The following SH3GL2 variants were observed in gnomAD, a reference collection of about 807,000 sequenced individuals.
SH3GL2 encodes SH3 domain containing GRB2 like 2, endophilin A1.
SH3GL2 carries 24 observed loss-of-function variants against 46.0 expected under a neutral mutation model. That is an observed-to-expected ratio of 0.52 (90% CI 0.38 to 0.73). The LOEUF (loss-of-function observed/expected upper bound fraction) is 0.73. Among genes scored for constraint, SH3GL2 ranks in the 30% least tolerant of loss-of-function variants. The pLI, the probability that SH3GL2 is intolerant of heterozygous loss-of-function variation, is 0.00. For synonymous variants in SH3GL2, 196 were observed against 147.1 expected, an observed-to-expected ratio of 1.33 and a Z score of -2.40; for missense variants, 413 against 424.2, an observed-to-expected ratio of 0.97 and a Z score of 0.23.
chr9:17,582,126 C>G (rs1036402970), intron 1 of SH3GL2, among the ~76,000 whole-genome samples: 17 of 152,160 alleles, frequency 1.1e-4, no homozygotes, highest in African/African-American at 4.1e-4. Context: ...TGTGTCACAA[C>G]TGTTGTCTTA....
chr9:17,593,093 A>G (rs1278906401), intron 1 of SH3GL2, among the ~76,000 whole-genome samples: 3 of 152,180 alleles, frequency 2.0e-5, no homozygotes, highest in Admixed American at 2.0e-4. Flanking sequence ...TGCTTCTCCC[A>G]TACCTCGACC....
intron 1 of SH3GL2, among the ~76,000 whole-genome samples, chr9:17,632,833 T>G (rs1819463011): frequency 6.6e-6 from 1 of 152,208 alleles, no homozygotes; most frequent in Non-Finnish European, 1.5e-5. Context: ...AAAAAGATTC[T>G]GTCAGGAGCT....
intron 3 of SH3GL2, among the ~76,000 whole-genome samples, chr9:17,776,650 A>G (rs1823647385): frequency 6.9e-6 from 1 of 145,154 alleles, no homozygotes; most frequent in African/African-American, 2.6e-5. Context: ...TGTACTTTGC[A>G]TTTTCAAAAT....
intron 1 of SH3GL2, among the ~76,000 whole-genome samples, chr9:17,611,339 T>G (rs1462457032): frequency 6.6e-6 from 1 of 152,206 alleles, no homozygotes; most frequent in East Asian, 1.9e-4. Context: ...TTTTTTTCAT[T>G]TTTGCTTTTG....
chr9:17,708,217 A>T (rs1160312013), intron 1 of SH3GL2, among the ~76,000 whole-genome samples: 2 of 151,922 alleles, frequency 1.3e-5, no homozygotes, highest in Non-Finnish European at 2.9e-5. Flanking sequence ...GCTTCTGGAC[A>T]TCCTCATCAC....
chr9:17,645,182 T>TTTTTTTTTTTTTTTTTTTTTTTTTTA (rs1819781790), intron 1 of SH3GL2, among the ~76,000 whole-genome samples: 7 of 72,760 alleles, frequency 9.6e-5, no homozygotes, highest in Admixed American at 3.1e-4. Context: ...TTTTTTTTTT[T>TTTTTTTTTTTTTTTTTTTTTTTTTTA]GCTTTCCATT....
chr9:17,755,153 G>A (rs1436773541), intron 2 of SH3GL2, among the ~76,000 whole-genome samples: 1 of 152,122 alleles, frequency 6.6e-6, no homozygotes, highest in Non-Finnish European at 1.5e-5. Context: ...GTTTTGAGGT[G>A]CATTCCCTTA....
chr9:17,616,341 T>C (rs1372809325), intron 1 of SH3GL2, among the ~76,000 whole-genome samples: 1 of 152,192 alleles, frequency 6.6e-6, no homozygotes, highest in African/African-American at 2.4e-5. Flanking sequence ...TTTTTTTCCA[T>C]TGAGGGCAAA....
chr9:17,761,416 G>A (rs1296082507), intron 2 of SH3GL2, 21 bp from the exon 3 acceptor site: 11 of 1,519,332 alleles, frequency 7.2e-6, no homozygotes, highest in Non-Finnish European at 1.0e-5. Context: ...GTCATTTAGA[G>A]CACTTATTTT....
chr9:17,790,702 T>C (rs1448108067), intron 6 of SH3GL2, among the ~76,000 whole-genome samples: 1 of 152,186 alleles, frequency 6.6e-6, no homozygotes, highest in Non-Finnish European at 1.5e-5. Context: ...AGAGCAAGAA[T>C]GAACTCAAGA....
chr9:17,634,185 G>A (rs1461225060), intron 1 of SH3GL2, among the ~76,000 whole-genome samples: 4 of 152,140 alleles, frequency 2.6e-5, no homozygotes. Flanking sequence ...AGGTTGCATC[G>A]GTTAACACTA....
intron 1 of SH3GL2, among the ~76,000 whole-genome samples, chr9:17,619,677 CA>C (rs369116747): frequency 1.1e-4 from 16 of 146,268 alleles, no homozygotes; most frequent in East Asian, 5.9e-4. Flanking sequence ...AACTCCATCT[CA>C]AAAAAAAAAT....
chr9:17,773,072 G>T (rs1430057009), intron 3 of SH3GL2, among the ~76,000 whole-genome samples: 1 of 152,006 alleles, frequency 6.6e-6, no homozygotes, highest in Non-Finnish European at 1.5e-5. Context: ...GATTTGTAAT[G>T]ACCTAATGAT....
Position 17,796,576 on chromosome 9 carries a change from T to G in SH3GL2, c.*833T>G, listed in dbSNP as rs1455923476. 1 of 152,292 alleles carries G rather than the reference T, an allele frequency of 6.6e-6. No individual in the cohort carries two copies. Among genetic ancestry groups the G allele is most frequent in the Non-Finnish European group, 1.5e-5 (1 of 68,038 alleles). 9.4% of individuals were successfully genotyped at this position (152,292 alleles called of 1,614,324 possible). A position where few individuals can be genotyped will look rare whatever the true frequency, so the allele number is the denominator to read the frequency against. On this transcript the variant is annotated 3_prime_UTR_variant, in exon 9 of 9. Transcript: ENST00000380607. ...GGAAGGGGGAACAAATATCTTCACT[T>G]CAGTTTTATTTGTGAATTACATGTT...
chr9:17,588,386 C>G (rs1021965828), intron 1 of SH3GL2, among the ~76,000 whole-genome samples: 1 of 152,076 alleles, frequency 6.6e-6, no homozygotes, highest in African/African-American at 2.4e-5. Flanking sequence ...CTTTGTAAGA[C>G]AAAAGGGAGA....
intron 1 of SH3GL2, among the ~76,000 whole-genome samples, chr9:17,579,852 G>A (rs1303375221): frequency 6.6e-6 from 1 of 152,128 alleles, no homozygotes; most frequent in Non-Finnish European, 1.5e-5. Flanking sequence ...TTAGGGACCC[G>A]CATACATTAA....
At chr9:17,789,947 C>G (rs764246576) in intron 6 of SH3GL2, 1 of 175,374 alleles carries the variant, frequency 5.7e-6, no homozygotes, top group Non-Finnish European at 1.1e-5. Flanking sequence ...GCCTACAAAT[C>G]GTAAAGTCAG....
chr9:17,591,701 A>C (rs1024973500), intron 1 of SH3GL2, among the ~76,000 whole-genome samples: 20 of 152,224 alleles, frequency 1.3e-4, no homozygotes, highest in African/African-American at 4.8e-4. Flanking sequence ...AAAGTTCATC[A>C]GCAGTTTAAT....
intron 1 of SH3GL2, among the ~76,000 whole-genome samples, chr9:17,618,123 G>C (rs1172543830): frequency 6.6e-6 from 1 of 152,106 alleles, no homozygotes; most frequent in South Asian, 2.1e-4. Context: ...GTTCTCAACC[G>C]GGGATGATTT....
Sources: gnomAD v4.1 joint callset for allele counts (sites outside exome capture counted in the v4.1 genomes callset) on GRCh38, gnomAD v4.1.1 for gene constraint, MANE v1.5 for transcripts, NCBI Gene and HGNC (gene_info 2026-07-23, HGNC 2026-07-21) for gene names.